WTAP: variants seen among roughly 807,000 people sequenced by gnomAD.
WTAP encodes the protein pre-mRNA-splicing regulator WTAP.
WTAP carries 8 observed loss-of-function variants against 50.0 expected under a neutral mutation model. The observed-to-expected ratio is 0.16, with a 90% CI of 0.09 to 0.29. The LOEUF (loss-of-function observed/expected upper bound fraction) is 0.29, where lower values mean the gene tolerates loss of function less well. WTAP is among the 10% of genes least tolerant of loss of function. The pLI is 1.00. For missense variants in WTAP, 295 were observed against 470.7 expected (o/e 0.63, Z 3.45); for synonymous variants, 194 against 169.0 (o/e 1.15, Z -1.15).
chr6:159,733,579 A>C (rs1778720933), intron 1 of WTAP, among the ~76,000 whole-genome samples: 1 of 150,968 alleles, frequency 6.6e-6, no homozygotes, highest in South Asian at 2.1e-4. Context: ...CCATCATCGC[A>C]CCACTGCACT....
chr6:159,726,901 T>C (rs778287177), upstream of WTAP: 35 of 1,288,878 alleles, frequency 2.7e-5, no homozygotes, highest in South Asian at 4.3e-4. Context: ...GCCCACGGCC[T>C]CTCTCTTGAG....
In WTAP at chr6:159,755,770, T is replaced by G; in HGVS notation, c.*159T>G. Reference sequence around the variant, plus strand: ...CTTTGTTTTTTTTTTCTTTTCTTTTTTTTTTTTTTTTTTTTTTTTTGCTTC... The same window carrying G: ...CTTTGTTTTTTTTTTCTTTTCTTTTGTTTTTTTTTTTTTTTTTTTTGCTTC... On this transcript the variant is annotated 3_prime_UTR_variant, in exon 8 of 8. Coordinates refer to ENST00000621533, the MANE Select transcript of WTAP (RefSeq NM_001270531.2). 1.0e-5 allele frequency: 9 copies of G among 866,280 alleles called. No homozygotes were observed. Among genetic ancestry groups the G allele is most frequent in the African/African-American group, 6.4e-5 (3 of 46,672 alleles). 53.7% of individuals were successfully genotyped at this position (866,280 alleles called of 1,614,324 possible).
intron 1 of WTAP, 106 bp from the exon 2 acceptor site, chr6:159,736,150 AGT>A: frequency 1.9e-6 from 2 of 1,065,142 alleles, no homozygotes; most frequent in Non-Finnish European, 2.8e-6. Context: ...ATTATTCAAC[AGT>A]AATTTAGTTC....
At chr6:159,745,452 A>T (rs561657174) in intron 5 of WTAP, among the ~76,000 whole-genome samples, 137 of 147,960 alleles carry the variant, frequency 9.3e-4, no homozygotes, top group African/African-American at 3.0e-3. Flanking sequence ...TTTTTTTTTT[A>T]AAACAGCTGT....
intron 6 of WTAP, among the ~76,000 whole-genome samples, chr6:159,750,460 C>A: frequency 6.6e-6 from 1 of 152,144 alleles, no homozygotes; most frequent in Non-Finnish European, 1.5e-5. Flanking sequence ...GAGTGTCACT[C>A]CCGGATGTGA....
chr6:159,743,860 T>A, intron 5 of WTAP, 68 bp downstream of exon 5: 1 of 1,457,386 alleles, frequency 6.9e-7, no homozygotes, highest in Non-Finnish European at 9.1e-7. Flanking sequence ...TTATTACATG[T>A]TAATTTTAAA....
Position 159,755,303 on chromosome 6 carries a change from G to C in WTAP, c.883G>C (p.Glu295Gln). 1.2e-6 allele frequency: 2 copies of C among 1,614,238 alleles called. No homozygotes were observed. The highest frequency in any genetic ancestry group is 1.7e-6 in the Non-Finnish European group (2 of 1,180,042). ...QRTSGSGFHR[E>Q]GNTTEDDFPS... ...GACGTCTGGGTCTGGATTTCACAGG[G>C]AGGGCAACACAACCGAAGATGACTT... Residue 295 changes from glutamate (E) to glutamine (Q), a missense_variant, in exon 8 of 8, where the codon GAG (glutamate) becomes CAG (glutamine). Transcript: ENST00000621533.
chr6:159,755,760 C>CTTTTTTTTTTTTTTTTTTTTTT lies in WTAP; in HGVS notation c.*153_*154insTTTTTTTTTTTTTTTTTTTTTT, dbSNP rs1779984995. 7 of 283,702 alleles carry CTTTTTTTTTTTTTTTTTTTTTT rather than the reference C, an allele frequency of 2.5e-5. No individual in the cohort carries two copies. The highest frequency in any genetic ancestry group is 5.0e-5 in the African/African-American group (1 of 19,976). 17.6% of individuals were successfully genotyped at this position (283,702 alleles called of 1,614,324 possible). A position where few individuals can be genotyped will look rare whatever the true frequency, so the allele number is the denominator to read the frequency against. ...TGTTTTTTTTCTTTGTTTTTTTTTT[C>CTTTTTTTTTTTTTTTTTTTTTT]TTTTCTTTTTTTTTTTTTTTTTTTT... On this transcript the variant is annotated 3_prime_UTR_variant, in exon 8 of 8. Coordinates refer to ENST00000621533, the MANE Select transcript of WTAP (RefSeq NM_001270531.2).
At position 159,748,583 on chromosome 6, in the gene WTAP, G is replaced by C; in HGVS notation, c.452+214G>C. On this transcript the variant is annotated intron_variant, in intron 6 of 7. Transcript: ENST00000621533. This position sits in a 1 kb window ranked among gnomAD's most constrained non-coding sequence, Gnocchi z 5.6. Reference sequence around the variant, plus strand: ...GCTTTTTTCTTTTCCCCTTCCCCTTGCTTCAGAGGCCTGATGGCGTCGGAC... The same window carrying C: ...GCTTTTTTCTTTTCCCCTTCCCCTTCCTTCAGAGGCCTGATGGCGTCGGAC... The C allele has an allele frequency of 7.3e-7, 1 of 1,361,710 alleles. No individual in the cohort carries two copies. Among genetic ancestry groups the C allele is most frequent in the Non-Finnish European group, 9.5e-7 (1 of 1,058,184 alleles). 84.4% of individuals were successfully genotyped at this position (1,361,710 alleles called of 1,614,324 possible). A position where few individuals can be genotyped will look rare whatever the true frequency, so the allele number is the denominator to read the frequency against.
At chr6:159,743,926 T>G in intron 5 of WTAP, 134 bp downstream of exon 5, 1 of 1,004,442 alleles carries the variant, frequency 1.0e-6, no homozygotes, top group Non-Finnish European at 1.3e-6. Flanking sequence ...CTTTGAGCTT[T>G]AAGAATACTA....
intron 1 of WTAP, among the ~76,000 whole-genome samples, chr6:159,731,661 CTATT>C (rs1554263160): frequency 2.0e-5 from 3 of 152,078 alleles, no homozygotes; most frequent in Non-Finnish European, 4.4e-5. Context: ...GGAGAAGAAA[CTATT>C]AATTAAATGC....
At chr6:159,729,246 ACG>A (rs1778416515) in intron 1 of WTAP, among the ~76,000 whole-genome samples, 2 of 150,660 alleles carry the variant, frequency 1.3e-5, no homozygotes, top group African/African-American at 2.5e-5. Context: ...TCAAAATTGT[ACG>A]TTAGTTAGTA....
chr6:159,727,022 C>T, upstream of WTAP: 1 of 1,238,628 alleles, frequency 8.1e-7, no homozygotes, highest in Non-Finnish European at 1.0e-6. Context: ...GGCAGCCCCG[C>T]AGCCGCAGGT....
chr6:159,742,210 G>A, intron 4 of WTAP, 64 bp downstream of exon 4: 1 of 1,373,896 alleles, frequency 7.3e-7, no homozygotes, highest in Non-Finnish European at 1.0e-6. Context: ...AAATCAAAAG[G>A]ATAGTTGTTT....
intron 5 of WTAP, among the ~76,000 whole-genome samples, chr6:159,747,013 A>G (rs940470104): frequency 6.6e-6 from 1 of 152,172 alleles, no homozygotes; most frequent in Non-Finnish European, 1.5e-5. Context: ...CTGGCTTCAC[A>G]TTGACTATGC....
At chr6:159,726,963 C>A (rs763041599), upstream of WTAP, 2 of 1,284,494 alleles carry the variant, frequency 1.6e-6, 1 homozygote, top group South Asian at 2.5e-5. Context: ...GCGTCACGAA[C>A]ACAGAGCGGC....
In WTAP at chr6:159,754,778, C is replaced by T. The variant is rs1397638489; in HGVS notation, c.608-250C>T. Among the ~76,000 whole-genome samples the T allele has an allele frequency of 2.6e-5, 4 of 152,054 alleles. No individual in the cohort carries two copies. The East Asian group carries it at 7.7e-4, about 29-fold the overall frequency. ...TTTTTCTTCCTTGAATATTTTCCTT[C>T]TACAGTTGCTTGAATTCATTGTTGC... On this transcript the variant is annotated intron_variant, in intron 7 of 7. Coordinates refer to ENST00000621533, the MANE Select transcript of WTAP (RefSeq NM_001270531.2).
Position 159,753,342 on chromosome 6 carries a change from G to A in WTAP, c.453-118G>A, listed in dbSNP as rs184110935. 2.9e-4 allele frequency: 400 copies of A among 1,361,494 alleles called. 5 individuals are homozygous for A. The Middle Eastern group carries it at 3.2e-3, about 11-fold the overall frequency. 84.3% of individuals were successfully genotyped at this position (1,361,494 alleles called of 1,614,324 possible). A position where few individuals can be genotyped will look rare whatever the true frequency, so the allele number is the denominator to read the frequency against. ...CAGAAAAGAAGATGGTAATTATGGG[G>A]AAGCATCTGCTGTGATATAGTTATG... On this transcript the variant is annotated intron_variant, in intron 6 of 7. Transcript: ENST00000621533.
chr6:159,738,353 T>C (rs1409822605), intron 2 of WTAP, among the ~76,000 whole-genome samples: 2 of 152,020 alleles, frequency 1.3e-5, no homozygotes, highest in Non-Finnish European at 2.9e-5. Context: ...TTTGAGACTA[T>C]TTTTTTTCCT....
Sources: allele counts gnomAD v4.1 joint callset (sites outside exome capture counted in the v4.1 genomes callset), GRCh38; gene constraint gnomAD v4.1.1; non-coding constraint Gnocchi (gnomAD v3.1); transcripts MANE v1.5; gene names NCBI Gene and HGNC (gene_info 2026-07-23, HGNC 2026-07-21).